Variants in ERCC6L2 observed in about 807,000 individuals in gnomAD.
ERCC6L2 encodes ERCC excision repair 6 like 2.
A neutral mutation model predicts 132.0 loss-of-function variants in ERCC6L2; 77 were observed. The observed-to-expected ratio is 0.58, with a 90% confidence interval of 0.49 to 0.71. The LOEUF (loss-of-function observed/expected upper bound fraction) is 0.71, where lower values mean the gene tolerates loss of function less well. Ranked by LOEUF, ERCC6L2 falls within the 30% of genes least tolerant of loss-of-function variation. The pLI is 0.00. For synonymous variants in ERCC6L2, 583 were observed against 632.4 expected, an observed-to-expected ratio of 0.92 and a Z score of 1.17; for missense variants, 1,542 against 1,837.6, an observed-to-expected ratio of 0.84 and a Z score of 2.94.
At chr9:95,943,417 A>G (rs1162728806) in intron 12 of ERCC6L2, among the ~76,000 whole-genome samples, 1 of 152,104 alleles carries the variant, frequency 6.6e-6, no homozygotes, top group African/African-American at 2.4e-5. Flanking sequence ...AGTTATAATA[A>G]TTACCTGGTA....
At chr9:95,964,106 A>G (rs548538337) in intron 13 of ERCC6L2, among the ~76,000 whole-genome samples, 2 of 152,208 alleles carry the variant, frequency 1.3e-5, no homozygotes, top group Non-Finnish European at 2.9e-5. Flanking sequence ...GTCAGCTACC[A>G]CTATAATGGT....
chr9:95,912,954 C>T (rs1829411700), intron 4 of ERCC6L2, among the ~76,000 whole-genome samples: 1 of 152,176 alleles, frequency 6.6e-6, no homozygotes, highest in African/African-American at 2.4e-5. Context: ...CTGTGGACTT[C>T]ATATTGCATC....
At chr9:96,035,232 G>T (rs958272039) in intron 19 of ERCC6L2, among the ~76,000 whole-genome samples, 3 of 152,192 alleles carry the variant, frequency 2.0e-5, no homozygotes, top group African/African-American at 7.2e-5. Context: ...AGCAGAAGGG[G>T]GCGGGTCCCA....
intron 3 of ERCC6L2, among the ~76,000 whole-genome samples, 179 bp downstream of exon 3, chr9:95,898,150 TC>T (rs1427801818): frequency 1.3e-5 from 2 of 152,124 alleles, no homozygotes; most frequent in Admixed American, 6.5e-5. Flanking sequence ...CCAATTTTAT[TC>T]CCAAGTTAAA....
chr9:95,976,592 G>A (rs771221363), intron 16 of ERCC6L2, among the ~76,000 whole-genome samples: 23 of 152,196 alleles, frequency 1.5e-4, no homozygotes, highest in South Asian at 4.1e-4. Context: ...TTCATAGCTA[G>A]TGGAGATTTT....
chr9:95,876,223 A>G, intron 1 of ERCC6L2, 139 bp downstream of exon 1: 1 of 728,148 alleles, frequency 1.4e-6, no homozygotes, highest in Non-Finnish European at 2.2e-6. Flanking sequence ...GAACCCCTCC[A>G]GGCCTGGAAC....
intron 12 of ERCC6L2, among the ~76,000 whole-genome samples, chr9:95,941,961 A>G (rs1830825035): frequency 1.3e-5 from 2 of 152,296 alleles, no homozygotes; most frequent in South Asian, 2.1e-4. Flanking sequence ...GCTTGCAACT[A>G]CAGTATGTGG....
At chr9:95,944,285 A>G (rs969081465) in intron 12 of ERCC6L2, among the ~76,000 whole-genome samples, 1 of 152,216 alleles carries the variant, frequency 6.6e-6, no homozygotes, top group Non-Finnish European at 1.5e-5. Context: ...AAGGACAAAT[A>G]TTGTATGATT....
At chr9:95,903,058 A>G (rs1564207402) in intron 3 of ERCC6L2, among the ~76,000 whole-genome samples, 1 of 152,056 alleles carries the variant, frequency 6.6e-6, no homozygotes, top group Non-Finnish European at 1.5e-5. Context: ...CTAAATTTAT[A>G]AATACATTCA....
intron 19 of ERCC6L2, among the ~76,000 whole-genome samples, chr9:96,033,233 C>T (rs567273189): frequency 4.0e-5 from 6 of 148,782 alleles, no homozygotes; most frequent in South Asian, 2.2e-4. Context: ...TGCAGGAAAC[C>T]ATAAATGATT....
intron 4 of ERCC6L2, among the ~76,000 whole-genome samples, chr9:95,910,218 C>G (rs1401963032): frequency 6.6e-6 from 1 of 152,160 alleles, no homozygotes; most frequent in Non-Finnish European, 1.5e-5. Flanking sequence ...CCTTTCACCT[C>G]TGTCAGCATT....
intron 19 of ERCC6L2, among the ~76,000 whole-genome samples, chr9:96,036,769 ATTTATTT>A (rs1182722960): frequency 3.3e-5 from 4 of 119,956 alleles, no homozygotes; most frequent in Admixed American, 8.7e-5. Flanking sequence ...TATTATTTTT[ATTTATTT>A]TTTTTTTTGA....
In ERCC6L2 at chr9:95,972,843, AG is replaced by A; in HGVS notation, c.3094del (p.Asp1032IlefsTer34). Reference protein sequence around the residue: ...NKTNQVYAANEDHNSQFIDDY... With the variant: ...NKTNQVYAANXDHNSQFIDDY... ...ACAAACCAAGTGTATGCAGCAAATG[AG>A]GATCATAACTCTCAGTTTATTGATG... On this transcript the variant is annotated frameshift_variant, in exon 16 of 19. Coordinates refer to ENST00000653738, the MANE Select transcript of ERCC6L2 (RefSeq NM_020207.7). LOFTEE classifies it high-confidence loss of function. 8 of 1,305,140 alleles carry A rather than the reference AG, an allele frequency of 6.1e-6. No individual in the cohort carries two copies. Among genetic ancestry groups the A allele is most frequent in the Non-Finnish European group, 8.1e-6 (8 of 988,924 alleles). 80.8% of individuals were successfully genotyped at this position (1,305,140 alleles called of 1,614,324 possible). A position where few individuals can be genotyped will look rare whatever the true frequency, so the allele number is the denominator to read the frequency against.
intron 9 of ERCC6L2, 122 bp downstream of exon 9, chr9:95,923,501 G>A (rs1829969159): frequency 4.4e-6 from 5 of 1,146,954 alleles, no homozygotes; most frequent in Non-Finnish European, 6.2e-6. Flanking sequence ...TGGTGGCTAT[G>A]GACAAGTGGT....
At chr9:95,952,616 T>C (rs1354497932) in intron 12 of ERCC6L2, among the ~76,000 whole-genome samples, 4 of 152,136 alleles carry the variant, frequency 2.6e-5, no homozygotes, top group Admixed American at 6.5e-5. Flanking sequence ...CTCGTGCCTC[T>C]TGAGGTCAGG....
chr9:96,009,247 A>G (rs1462845802), intron 18 of ERCC6L2, among the ~76,000 whole-genome samples: 1 of 152,224 alleles, frequency 6.6e-6, no homozygotes, highest in Non-Finnish European at 1.5e-5. Context: ...TTCTAGTGGC[A>G]TGTTCAAGTG....
At chr9:96,029,939 C>T (rs1363205916) in intron 19 of ERCC6L2, among the ~76,000 whole-genome samples, 2 of 152,216 alleles carry the variant, frequency 1.3e-5, no homozygotes, top group Non-Finnish European at 2.9e-5. Flanking sequence ...GTCCAGAGCC[C>T]GGACACCAGC....
At chr9:95,956,491 G>A (rs1587974876) in intron 13 of ERCC6L2, among the ~76,000 whole-genome samples, 1 of 152,124 alleles carries the variant, frequency 6.6e-6, no homozygotes, top group Non-Finnish European at 1.5e-5. Flanking sequence ...AAGCCAGTGT[G>A]TTAGTTCATT....
intron 10 of ERCC6L2, 133 bp from the exon 11 acceptor site, chr9:95,928,586 T>G: frequency 2.6e-6 from 2 of 778,274 alleles, no homozygotes; most frequent in South Asian, 2.9e-5. Context: ...AGAAAAATAT[T>G]TATTGTTCTT....
Sources: gnomAD v4.1 joint callset for allele counts (sites outside exome capture counted in the v4.1 genomes callset) on GRCh38, gnomAD v4.1.1 for gene constraint, MANE v1.5 for transcripts, NCBI Gene and HGNC (gene_info 2026-07-23, HGNC 2026-07-21) for gene names.